Variants in STX11 observed in about 807,000 individuals in gnomAD.
The protein encoded by STX11 is syntaxin-11.
In STX11, 21 loss-of-function variants were observed where a neutral mutation model predicts 19.9. The ratio of observed to expected loss-of-function variants is 1.06; its 90% CI spans 0.75 to 1.52. The LOEUF (loss-of-function observed/expected upper bound fraction) is 1.52, where lower values mean the gene tolerates loss of function less well. STX11 is among the 40% of genes most tolerant of loss of function. STX11 has a pLI of 0.00. For synonymous variants in STX11, 193 were observed against 174.4 expected (o/e 1.11, Z -0.84); for missense variants, 438 against 405.9 (o/e 1.08, Z -0.68).
chr6:144,187,548 C>T lies in STX11; in HGVS notation c.*57C>T, dbSNP rs1802094855. On this transcript the variant is annotated 3_prime_UTR_variant, in exon 2 of 2. Coordinates refer to ENST00000367568, the MANE Select transcript of STX11 (RefSeq NM_003764.4). This position sits in a 1 kb window ranked among gnomAD's most constrained non-coding sequence, Gnocchi z 5.6. ...AGACCATGGAGCGCGCTGGGAAGGA[C>T]GCACCAAAGCCGGGAGCTCTGCCCT... 3 of 1,608,324 alleles carry T rather than the reference C, an allele frequency of 1.9e-6. No homozygotes were observed. Among genetic ancestry groups the T allele is most frequent in the East Asian group, 2.2e-5 (1 of 44,742 alleles).
Position 144,186,993 on chromosome 6 carries a change from G to A in STX11, c.366G>A (p.Ser122=), listed in dbSNP as rs747360299. 1 of 1,609,726 alleles carries A rather than the reference G, an allele frequency of 6.2e-7. No homozygotes were observed. The highest frequency in any genetic ancestry group is 8.5e-7 in the Non-Finnish European group (1 of 1,179,634). Residue 122 remains serine (S), a synonymous_variant, in exon 2 of 2, where the codon TCG becomes TCA. Coordinates refer to ENST00000367568, the MANE Select transcript of STX11 (RefSeq NM_003764.4). ...EAAEAQHGPH[S]AVARISRAQY... is the part of the protein sequence containing the mutation. Reference sequence around the variant, plus strand: ...CTGAGGCCCAGCACGGCCCGCACTCGGCAGTGGCGCGCATTTCGCGGGCGC... The same window carrying A: ...CTGAGGCCCAGCACGGCCCGCACTCAGCAGTGGCGCGCATTTCGCGGGCGC...
chr6:144,156,816 A>T (rs570835584), intron 1 of STX11, among the ~76,000 whole-genome samples: 74 of 152,336 alleles, frequency 4.9e-4, no homozygotes, highest in Non-Finnish European at 6.8e-4. Context: ...ACATATAATG[A>T]TATTCAGCTG....
chr6:144,183,116 T>A lies in STX11; in HGVS notation c.-5-3507T>A, dbSNP rs1801946596. Among the ~76,000 whole-genome samples the A allele has an allele frequency of 1.3e-5, 2 of 152,220 alleles. No individual in the cohort carries two copies. Among genetic ancestry groups the A allele is most frequent in the Admixed American group, 6.5e-5 (1 of 15,280 alleles). On this transcript the variant is annotated intron_variant, in intron 1 of 1. Transcript: ENST00000367568. This position sits in a 1 kb window ranked among gnomAD's most constrained non-coding sequence, Gnocchi z 4.6. ...GAAATGTGTGTGGACATTATAAAAA[T>A]TTTGGAAAATACAGAAAAGCAAAAG...
At chr6:144,143,634 A>G in the STX11 span, among the ~76,000 whole-genome samples, 12 of 152,144 alleles carry the variant, frequency 7.9e-5, no homozygotes, top group Non-Finnish European at 1.6e-4. Flanking sequence ...TCCTCCTGCC[A>G]GTTTTCCTAT....
Position 144,182,041 on chromosome 6 carries a change from CAA to C in STX11, c.-5-4580_-5-4579del, listed in dbSNP as rs1225602419. On this transcript the variant is annotated intron_variant, in intron 1 of 1. Coordinates refer to ENST00000367568, the MANE Select transcript of STX11 (RefSeq NM_003764.4). This position sits in a 1 kb window ranked among gnomAD's most constrained non-coding sequence, Gnocchi z 4.8. ...TAGCAACTTGATGAATGCAATTTACCAAAGTTTATTACATTATCTTTTATTAC... is the reference window on the plus strand; with the variant it reads ...TAGCAACTTGATGAATGCAATTTACCAGTTTATTACATTATCTTTTATTAC... Among the ~76,000 whole-genome samples the C allele has an allele frequency of 6.6e-6, 1 of 152,130 alleles. No individual in the cohort carries two copies. Among genetic ancestry groups the C allele is most frequent in the Non-Finnish European group, 1.5e-5 (1 of 68,016 alleles).
At chr6:144,161,900 T>G (rs998257537) in intron 1 of STX11, among the ~76,000 whole-genome samples, 5 of 152,242 alleles carry the variant, frequency 3.3e-5, no homozygotes, top group Non-Finnish European at 5.9e-5. Context: ...TTTTTTCAAC[T>G]CTTTTTTCTT....
chr6:144,152,136 T>G lies in STX11; in HGVS notation c.-6+1433T>G, dbSNP rs1353864948. The stretch of plus-strand genomic sequence containing the variant: ...TGCCAATATAACTCAATATGCTGGG[T>G]CCCAGTGTATTTAAAGAGTAGACTC... On this transcript the variant is annotated intron_variant, in intron 1 of 1. Transcript: ENST00000367568. The surrounding 1 kb of genome is among the most constrained non-coding windows in gnomAD (Gnocchi z 4.9). Among the ~76,000 whole-genome samples, 1 of 152,086 alleles carries G rather than the reference T, an allele frequency of 6.6e-6. No individual in the cohort carries two copies. Among genetic ancestry groups the G allele is most frequent in the Non-Finnish European group, 1.5e-5 (1 of 68,014 alleles).
Position 144,176,995 on chromosome 6 carries a change from A to G in STX11, c.-5-9628A>G, listed in dbSNP as rs1341381494. On this transcript the variant is annotated intron_variant, in intron 1 of 1. Transcript: ENST00000367568. The surrounding 1 kb of genome is among the most constrained non-coding windows in gnomAD (Gnocchi z 4.1). The stretch of plus-strand genomic sequence containing the variant: ...ATATAAGAATATTTTTTCTGGGAGA[A>G]TTTAACAGGAGTAACCAGGCAATGA... Among the ~76,000 whole-genome samples the G allele has an allele frequency of 6.6e-6, 1 of 152,204 alleles. No homozygotes were observed. Among genetic ancestry groups the G allele is most frequent in the African/African-American group, 2.4e-5 (1 of 41,452 alleles).
intron 1 of STX11, among the ~76,000 whole-genome samples, chr6:144,179,557 G>A (rs1057275304): frequency 1.3e-4 from 20 of 152,156 alleles, no homozygotes; most frequent in African/African-American, 4.3e-4. Context: ...GGGATGTGTG[G>A]GCAGGAGGGA....
At position 144,189,583 on chromosome 6, in the gene STX11, G is replaced by A. The variant is rs532359882; in HGVS notation, c.*2092G>A. 1.3e-5 allele frequency among the ~76,000 whole-genome samples: 2 copies of A among 152,304 alleles called. No individual in the cohort carries two copies. Among genetic ancestry groups the A allele is most frequent in the East Asian group, 1.9e-4 (1 of 5,188 alleles). ...TTCCTAATCATTATTTAATACATGA[G>A]TGAGTTTAGTAGTGATCATATTTCT... On this transcript the variant is annotated 3_prime_UTR_variant, in exon 2 of 2. Transcript: ENST00000367568.
rs1231300366 is a variant in STX11, at chr6:144,155,579, CAAG to C, written c.-6+4879_-6+4881del. 2.0e-5 allele frequency among the ~76,000 whole-genome samples: 3 copies of C among 152,146 alleles called. No individual in the cohort carries two copies. Among genetic ancestry groups the C allele is most frequent in the Non-Finnish European group, 4.4e-5 (3 of 68,022 alleles). On this transcript the variant is annotated intron_variant, in intron 1 of 1. Transcript: ENST00000367568. The surrounding 1 kb of genome is among the most constrained non-coding windows in gnomAD (Gnocchi z 4.5). ...TATAATTCATTCAGTGCTCAGATCACAAGAAAGGGAAGGGTTTTGGCTAATATT... is the reference window on the plus strand; with the variant it reads ...TATAATTCATTCAGTGCTCAGATCACAAAGGGAAGGGTTTTGGCTAATATT...
intron 1 of STX11, among the ~76,000 whole-genome samples, chr6:144,156,969 A>G (rs867248332): frequency 6.6e-6 from 1 of 152,200 alleles, no homozygotes; most frequent in Non-Finnish European, 1.5e-5. Context: ...ATAAGGTGGG[A>G]AACACCTGGA....
At position 144,153,361 on chromosome 6, in the gene STX11, G is replaced by A. The variant is rs965208416; in HGVS notation, c.-6+2658G>A. Among the ~76,000 whole-genome samples the A allele has an allele frequency of 6.6e-6, 1 of 152,166 alleles. No homozygotes were observed. The highest frequency in any genetic ancestry group is 1.5e-5 in the Non-Finnish European group (1 of 68,042). On this transcript the variant is annotated intron_variant, in intron 1 of 1. Transcript: ENST00000367568. The surrounding 1 kb of genome is among the most constrained non-coding windows in gnomAD (Gnocchi z 5.0). The stretch of plus-strand genomic sequence containing the variant: ...TATTGATGGAATAATGAACCTTCAC[G>A]TAGGAGGATGAATTGTCAGGCAAGT...
upstream of STX11, among the ~76,000 whole-genome samples, chr6:144,149,270 C>T (rs73778531): frequency 0.023 from 3,532 of 152,248 alleles, 145 homozygotes; most frequent in African/African-American, 0.08. This position sits in a 1 kb window ranked among gnomAD's most constrained non-coding sequence, Gnocchi z 5.1. Context: ...TTTGTCTCCT[C>T]TCCGCCTTTT....
upstream of STX11, chr6:144,150,378 C>A (rs1738813192): frequency 7.0e-6 from 4 of 568,970 alleles, 1 homozygote; most frequent in Non-Finnish European, 4.5e-6. Flanking sequence ...CGGTCCCGAG[C>A]GCATGGACTC....
the STX11 span, chr6:144,140,903 ATC>A: frequency 1.7e-6 from 1 of 585,382 alleles, no homozygotes; most frequent in Non-Finnish European, 2.2e-6. Flanking sequence ...TGTTTAATGT[ATC>A]TGTGAAAATT....
intron 1 of STX11, among the ~76,000 whole-genome samples, chr6:144,163,992 GT>G (rs1562659499): frequency 1.3e-5 from 2 of 152,096 alleles, no homozygotes; most frequent in African/African-American, 4.8e-5. Flanking sequence ...TGTTAGTTTT[GT>G]TTTTTGCTTA....
chr6:144,158,556 A>G (rs1474108714), intron 1 of STX11, among the ~76,000 whole-genome samples: 1 of 150,770 alleles, frequency 6.6e-6, no homozygotes, highest in East Asian at 2.0e-4. Context: ...TTAAACTTTA[A>G]TAATTGTCTA....
chr6:144,145,553 C>T (rs571419918), upstream of STX11, among the ~76,000 whole-genome samples: 10 of 152,224 alleles, frequency 6.6e-5, no homozygotes, highest in East Asian at 9.7e-4. Flanking sequence ...ATATACACAA[C>T]GAGGTACTTT....
Sources: gnomAD v4.1 joint callset for allele counts (sites outside exome capture counted in the v4.1 genomes callset) on GRCh38, gnomAD v4.1.1 for gene constraint, Gnocchi (gnomAD v3.1) non-coding constraint, MANE v1.5 for transcripts, NCBI Gene and HGNC (gene_info 2026-07-23, HGNC 2026-07-21) for gene names.